Variants in PCDHGA2 observed in about 807,000 individuals in gnomAD.
PCDHGA2 encodes protocadherin gamma subfamily A, 2, also known as protocadherin gamma-A2.
Under a neutral mutation model 59.2 loss-of-function variants are expected in PCDHGA2, and 40 were observed. The observed-to-expected ratio is 0.68, with a 90% CI of 0.52 to 0.88. The LOEUF (loss-of-function observed/expected upper bound fraction) is 0.88, where lower values mean the gene tolerates loss of function less well. PCDHGA2 is among the 40% of genes least tolerant of loss of function. The probability of loss-of-function intolerance (pLI) is 0.00; values close to 1 mark genes in which losing one functional copy is unlikely to be tolerated. For missense variants in PCDHGA2, 1,226 were observed against 1,204.0 expected, an observed-to-expected ratio of 1.02 and a Z score of -0.27; for synonymous variants, 560 against 526.0, an observed-to-expected ratio of 1.06 and a Z score of -0.89.
chr5:141,376,168 G>A (rs757765992), intron 1 of PCDHGA2: 64 of 1,613,990 alleles, frequency 4.0e-5, no homozygotes, highest in East Asian at 2.2e-4. Flanking sequence ...ACCTGGTGGT[G>A]GCGGTGGCCG....
At chr5:141,504,528 C>T (rs750099460) in intron 2 of PCDHGA2, among the ~76,000 whole-genome samples, 2 of 151,854 alleles carry the variant, frequency 1.3e-5, no homozygotes, top group Non-Finnish European at 2.9e-5. Flanking sequence ...ATATTTTATT[C>T]GTGTCATCAT....
chr5:141,386,950 A>G (rs538175836), intron 1 of PCDHGA2, among the ~76,000 whole-genome samples: 1 of 152,246 alleles, frequency 6.6e-6, no homozygotes, highest in African/African-American at 2.4e-5. Flanking sequence ...GCAGTGCTTC[A>G]GTGCAGCAGA....
In PCDHGA2 at chr5:141,366,007, G is replaced by A. The variant is rs764457320; in HGVS notation, c.2424+24612G>A. 6.2e-6 allele frequency: 10 copies of A among 1,614,058 alleles called. No homozygotes were observed. In the Admixed American group the frequency reaches 6.7e-5, roughly 11 times the overall value. The stretch of plus-strand genomic sequence containing the variant: ...TTGTGCTGGACCAGAACGACAATAC[G>A]CCTGAGATCCTGTACCCCGCCCTCC... On this transcript the variant is annotated intron_variant, in intron 1 of 3. Transcript: ENST00000394576.
chr5:141,419,451 C>T (rs747887064), intron 1 of PCDHGA2: 2 of 1,612,796 alleles, frequency 1.2e-6, no homozygotes, highest in Non-Finnish European at 8.5e-7. Flanking sequence ...TTCGAGCTCA[C>T]GCTGCAGGCC....
intron 1 of PCDHGA2, among the ~76,000 whole-genome samples, chr5:141,358,090 T>C (rs1298927847): frequency 6.6e-6 from 1 of 152,192 alleles, no homozygotes; most frequent in African/African-American, 2.4e-5. Flanking sequence ...CCCTGGAGGC[T>C]GAGGCATGAG....
At chr5:141,413,352 G>T in intron 1 of PCDHGA2, 11 of 1,613,976 alleles carry the variant, frequency 6.8e-6, no homozygotes, top group Non-Finnish European at 9.3e-6. Flanking sequence ...TGGGTCTGGC[G>T]CCCCGGGAGC....
intron 1 of PCDHGA2, chr5:141,364,169 C>A: frequency 1.3e-6 from 1 of 765,758 alleles, no homozygotes; most frequent in Non-Finnish European, 1.9e-6. Flanking sequence ...GGCGACCCGA[C>A]TCTGCTCCCT....
intron 1 of PCDHGA2, among the ~76,000 whole-genome samples, chr5:141,373,152 A>C (rs1769359529): frequency 6.6e-6 from 1 of 152,250 alleles, no homozygotes; most frequent in Non-Finnish European, 1.5e-5. Context: ...TGGTTTACTT[A>C]GTTTTAATGC....
chr5:141,442,298 G>A (rs934210433), intron 1 of PCDHGA2: 2 of 152,564 alleles, frequency 1.3e-5, no homozygotes, highest in African/African-American at 4.8e-5. Flanking sequence ...TCCTGTCTGA[G>A]TCTTTCCCAC....
chr5:141,366,824 C>T, intron 1 of PCDHGA2: 1 of 1,535,428 alleles, frequency 6.5e-7, no homozygotes, highest in Non-Finnish European at 8.8e-7. Context: ...CTGTCATATT[C>T]AGAATCAGCT....
chr5:141,477,697 T>G lies in PCDHGA2; in HGVS notation c.2425-17110T>G, dbSNP rs745625196. ...TGTCATCCTTAGTGCCCCTAGACTA[T>G]GAGGATCGGCGGGAATTTGAATTAA... On this transcript the variant is annotated intron_variant, in intron 1 of 3. Coordinates refer to ENST00000394576, the MANE Select transcript of PCDHGA2 (RefSeq NM_018915.4). The surrounding 1 kb of genome is among the most constrained non-coding windows in gnomAD (Gnocchi z 4.9). 6.2e-7 allele frequency: 1 copy of G among 1,614,160 alleles called. No homozygotes were observed. Among genetic ancestry groups the G allele is most frequent in the South Asian group, 1.1e-5 (1 of 91,090 alleles).
rs372202008 is a variant in PCDHGA2, at chr5:141,404,550, C to T, written c.2424+63155C>T. The stretch of plus-strand genomic sequence containing the variant: ...TTTAGAGATTTGCAAATGCAGGTGA[C>T]GGCAAGTGACAGTGGAAGCCCACCA... On this transcript the variant is annotated intron_variant, in intron 1 of 3. Coordinates refer to ENST00000394576, the MANE Select transcript of PCDHGA2 (RefSeq NM_018915.4). The T allele has an allele frequency of 2.8e-4, 448 of 1,613,648 alleles. 1 individual carries two copies. The highest frequency in any genetic ancestry group is 9.8e-4 in the South Asian group (89 of 91,080).
chr5:141,412,963 G>A (rs1387713187), intron 1 of PCDHGA2: 2 of 518,110 alleles, frequency 3.9e-6, no homozygotes, highest in South Asian at 3.3e-5. Context: ...TCACCTACTA[G>A]GAGAGAAAAC....
chr5:141,353,392 A>G (rs1318635652), intron 1 of PCDHGA2, among the ~76,000 whole-genome samples: 1 of 152,222 alleles, frequency 6.6e-6, no homozygotes. Context: ...GTAATTATGT[A>G]ATTAATGTAA....
intron 1 of PCDHGA2, chr5:141,360,285 C>T: frequency 1.2e-6 from 2 of 1,613,972 alleles, no homozygotes; most frequent in Non-Finnish European, 1.7e-6. Context: ...TAGGAAACCT[C>T]GCCAAGGATC....
chr5:141,486,645 C>T lies in PCDHGA2; in HGVS notation c.2425-8162C>T, dbSNP rs369948556. ...GACTCTGGCTTGAATGCGCTTATCT[C>T]CTACTCACTCCTGGAGCCCAGGAAT... On this transcript the variant is annotated intron_variant, in intron 1 of 3. Coordinates refer to ENST00000394576, the MANE Select transcript of PCDHGA2 (RefSeq NM_018915.4). This position sits in a 1 kb window ranked among gnomAD's most constrained non-coding sequence, Gnocchi z 5.0. 1.9e-6 allele frequency: 3 copies of T among 1,613,752 alleles called. No individual in the cohort carries two copies. The highest frequency in any genetic ancestry group is 2.2e-5 in the East Asian group (1 of 44,896).
At chr5:141,395,253 T>G (rs765397414) in intron 1 of PCDHGA2, 1 of 1,557,696 alleles carries the variant, frequency 6.4e-7, no homozygotes, top group Admixed American at 2.0e-5. Flanking sequence ...TTTAGTTCTT[T>G]GCTTGCTTTT....
chr5:141,356,694 T>C (rs753819389), intron 1 of PCDHGA2: 2 of 1,613,982 alleles, frequency 1.2e-6, no homozygotes, highest in South Asian at 2.2e-5. Flanking sequence ...CCTTCCAGGG[T>C]GCACCTCTGT....
At position 141,490,054 on chromosome 5, in the gene PCDHGA2, G is replaced by A. The variant is rs2099695440; in HGVS notation, c.2425-4753G>A. The A allele has an allele frequency of 6.2e-7, 1 of 1,614,104 alleles. No individual in the cohort carries two copies. The highest frequency in any genetic ancestry group is 1.3e-5 in the African/African-American group (1 of 74,944). ...CCTCAATGCCACTGATCCAGACGAG[G>A]GCACCAACGGCCAACTAGACTATTC... On this transcript the variant is annotated intron_variant, in intron 1 of 3. Transcript: ENST00000394576. This position sits in a 1 kb window ranked among gnomAD's most constrained non-coding sequence, Gnocchi z 5.4.
Sources: allele counts gnomAD v4.1 joint callset (sites outside exome capture counted in the v4.1 genomes callset), GRCh38; gene constraint gnomAD v4.1.1; non-coding constraint Gnocchi (gnomAD v3.1); transcripts MANE v1.5; gene names NCBI Gene and HGNC (gene_info 2026-07-23, HGNC 2026-07-21).